The following KCNH1 variants were observed in gnomAD, a reference collection of about 807,000 sequenced individuals.
The protein encoded by KCNH1 is potassium voltage-gated channel subfamily H member 1, also known as voltage-gated delayed rectifier potassium channel KCNH1.
In KCNH1, 27 loss-of-function variants were observed where a neutral mutation model predicts 69.2. The ratio of observed to expected loss-of-function variants is 0.39; its 90% CI spans 0.29 to 0.54. The LOEUF (loss-of-function observed/expected upper bound fraction) is 0.54, where lower values mean the gene tolerates loss of function less well. Ranked by LOEUF, KCNH1 falls within the 20% of genes least tolerant of loss-of-function variation. The probability of loss-of-function intolerance (pLI) is 0.68; values close to 1 mark genes in which losing one functional copy is unlikely to be tolerated. For missense variants in KCNH1, 798 were observed against 1,261.6 expected, an observed-to-expected ratio of 0.63 and a Z score of 5.57; for synonymous variants, 456 against 487.7, an observed-to-expected ratio of 0.93 and a Z score of 0.86.
chr1:210,898,679 G>A (rs990732127), intron 7 of KCNH1, among the ~76,000 whole-genome samples: 3 of 132,608 alleles, frequency 2.3e-5, no homozygotes, highest in Non-Finnish European at 4.8e-5. Flanking sequence ...CAGGCGTGGC[G>A]GCGGGGGGGG....
At position 211,082,799 on chromosome 1, in the gene KCNH1, T is replaced by C; in HGVS notation, c.539A>G (p.Lys180Arg). ...PSVQKGENVHKHSRLAEVLQL... is the reference protein window; with the variant it reads ...PSVQKGENVHRHSRLAEVLQL... ...CCTTACCTCTGCCAGGCGGGAGTGC[T>C]TGTGGACATTCTCGCCTTTTTGCAC... Residue 180 changes from lysine (K) to arginine (R), a missense_variant, in exon 5 of 11, where the codon AAG (lysine) becomes AGG (arginine). Lys to Arg is a conservative substitution (Grantham distance 26). This residue lies in a region of KCNH1 where 266 missense variants were observed against 457.2 expected (regional missense o/e 0.58). Transcript: ENST00000271751. The C allele has an allele frequency of 1.2e-6, 2 of 1,614,000 alleles. No homozygotes were observed. The highest frequency in any genetic ancestry group is 1.7e-6 in the Non-Finnish European group (2 of 1,179,854).
chr1:211,120,267 G>A (rs1434760134), intron 1 of KCNH1, among the ~76,000 whole-genome samples: 1 of 150,056 alleles, frequency 6.7e-6, no homozygotes, highest in Non-Finnish European at 1.5e-5. Context: ...TCGGCTCACT[G>A]CAACCTCTGT....
At chr1:210,686,038 C>T (rs1262048022) in intron 10 of KCNH1, among the ~76,000 whole-genome samples, 1 of 152,150 alleles carries the variant, frequency 6.6e-6, no homozygotes. Context: ...GCTTTCTGAC[C>T]TCCACTGGGC....
chr1:210,729,686 C>T (rs955651510), intron 10 of KCNH1, among the ~76,000 whole-genome samples: 2 of 152,200 alleles, frequency 1.3e-5, no homozygotes, highest in African/African-American at 4.8e-5. Flanking sequence ...AATCAATCTA[C>T]CTTGTTCAAT....
At chr1:210,985,026 T>A (rs563878508) in intron 6 of KCNH1, among the ~76,000 whole-genome samples, 2 of 152,324 alleles carry the variant, frequency 1.3e-5, no homozygotes, top group East Asian at 3.9e-4. Context: ...GGTGTATATG[T>A]CGAGGAATTT....
chr1:211,100,633 G>A (rs1174491732), intron 3 of KCNH1, among the ~76,000 whole-genome samples: 3 of 152,210 alleles, frequency 2.0e-5, no homozygotes, highest in Admixed American at 6.5e-5. Context: ...TTACAGGCAT[G>A]AGCCACTGCA....
At chr1:211,040,051 C>T (rs533396620) in intron 5 of KCNH1, among the ~76,000 whole-genome samples, 38 of 151,986 alleles carry the variant, frequency 2.5e-4, no homozygotes, top group Admixed American at 2.6e-4. Flanking sequence ...ATTAGCTGGG[C>T]GTGGTGGCGG....
At chr1:210,768,704 G>T (rs558733783) in intron 10 of KCNH1, among the ~76,000 whole-genome samples, 2 of 152,118 alleles carry the variant, frequency 1.3e-5, no homozygotes, top group East Asian at 3.9e-4. Context: ...TTTAAAGCCC[G>T]TGTTCATTCC....
chr1:210,864,303 G>C (rs140811133), intron 7 of KCNH1, among the ~76,000 whole-genome samples: 1 of 152,188 alleles, frequency 6.6e-6, no homozygotes, highest in Non-Finnish European at 1.5e-5. Flanking sequence ...GGGGAATGAG[G>C]AGCAGCTTAG....
chr1:210,948,667 A>C (rs1201082746), intron 6 of KCNH1, among the ~76,000 whole-genome samples: 1 of 151,914 alleles, frequency 6.6e-6, no homozygotes, highest in African/African-American at 2.4e-5. Flanking sequence ...GTCTCTACTA[A>C]AAATACAAAA....
At chr1:211,003,959 G>T (rs1049058479) in intron 6 of KCNH1, among the ~76,000 whole-genome samples, 32 of 152,096 alleles carry the variant, frequency 2.1e-4, no homozygotes, top group Non-Finnish European at 4.4e-5. Context: ...CAGGCGAGGT[G>T]GTGGGCGCCT....
intron 7 of KCNH1, among the ~76,000 whole-genome samples, chr1:210,902,112 C>T (rs1687008312): frequency 6.6e-6 from 1 of 152,138 alleles, no homozygotes; most frequent in Admixed American, 6.5e-5. Flanking sequence ...GCCAGTAAGT[C>T]AACCAATGAG....
chr1:210,854,641 G>A (rs1685792268), intron 7 of KCNH1, among the ~76,000 whole-genome samples: 1 of 152,216 alleles, frequency 6.6e-6, no homozygotes, highest in Non-Finnish European at 1.5e-5. Context: ...ACCTAGGGCT[G>A]GCCCATCAAA....
chr1:210,987,056 T>C (rs1464189768), intron 6 of KCNH1, among the ~76,000 whole-genome samples: 1 of 152,224 alleles, frequency 6.6e-6, no homozygotes, highest in African/African-American at 2.4e-5. Context: ...ACTGATACCC[T>C]TTCTTCCAGG....
chr1:210,774,294 C>G (rs1683816940), intron 10 of KCNH1, among the ~76,000 whole-genome samples: 1 of 152,136 alleles, frequency 6.6e-6, no homozygotes, highest in Admixed American at 6.5e-5. Context: ...CATGATCCAG[C>G]TAGGGCATGA....
chr1:210,924,975 T>C (rs1227509820), intron 6 of KCNH1, among the ~76,000 whole-genome samples: 2 of 151,210 alleles, frequency 1.3e-5, no homozygotes, highest in Non-Finnish European at 2.9e-5. Context: ...CCTACCCAAC[T>C]GATGCTATAG....
Position 210,775,551 on chromosome 1 carries a change from A to G in KCNH1, c.1916-7T>C. On this transcript the variant is annotated splice_region_variant and splice_polypyrimidine_tract_variant and intron_variant, in intron 9 of 10. Transcript: ENST00000271751. ...CCAAACACGTCTCCTTTTCCTAAGG[A>G]GAGAAGGTTGTCATGAGGAAAGTGT... The G allele has an allele frequency of 1.2e-6, 2 of 1,611,144 alleles. No individual in the cohort carries two copies. Among genetic ancestry groups the G allele is most frequent in the Non-Finnish European group, 1.7e-6 (2 of 1,177,884 alleles).
intron 1 of KCNH1, among the ~76,000 whole-genome samples, chr1:211,125,112 C>G (rs1486529438): frequency 6.6e-6 from 1 of 152,180 alleles, no homozygotes; most frequent in Non-Finnish European, 1.5e-5. Context: ...CAGGGGAAAA[C>G]AGCTAGGCTA....
intron 7 of KCNH1, chr1:210,862,047 AG>A: frequency 1.3e-6 from 1 of 788,278 alleles, no homozygotes; most frequent in South Asian, 1.3e-5. Flanking sequence ...GAATAGTATA[AG>A]GGGATATATA....
Sources: gnomAD v4.1 joint callset for allele counts (sites outside exome capture counted in the v4.1 genomes callset) on GRCh38, gnomAD v4.1.1 for gene constraint, gnomAD v4.1.1 regional missense constraint, MANE v1.5 for transcripts, NCBI Gene and HGNC (gene_info 2026-07-23, HGNC 2026-07-21) for gene names.